Variants in SLC6A6 observed in about 807,000 individuals in gnomAD.
SLC6A6 encodes sodium- and chloride-dependent taurine transporter.
In SLC6A6, 16 loss-of-function variants were observed where a neutral mutation model predicts 68.8. The observed-to-expected ratio is 0.23, with a 90% CI of 0.16 to 0.35. The LOEUF is 0.35. Ranked by LOEUF, SLC6A6 falls within the 10% of genes least tolerant of loss-of-function variation. The pLI is 1.00. For synonymous variants in SLC6A6, 312 were observed against 315.4 expected, an observed-to-expected ratio of 0.99 and a Z score of 0.12; for missense variants, 474 against 802.8, an observed-to-expected ratio of 0.59 and a Z score of 4.95.
intron 2 of SLC6A6, among the ~76,000 whole-genome samples, chr3:14,442,801 C>T (rs547077820): frequency 6.6e-5 from 10 of 152,260 alleles, no homozygotes; most frequent in African/African-American, 7.2e-5. Flanking sequence ...AACAGGGAGC[C>T]GGAGGGCAAG....
At chr3:14,483,855 A>T (rs1033784032) in intron 14 of SLC6A6, among the ~76,000 whole-genome samples, 1 of 148,408 alleles carries the variant, frequency 6.7e-6, no homozygotes, top group African/African-American at 2.5e-5. Context: ...CTAATTTTTA[A>T]TTTTTTTTTT....
rs2124952074 is a variant in SLC6A6, at chr3:14,447,898, A to T, written c.599+82A>T. The T allele has an allele frequency of 1.1e-5, 17 of 1,562,480 alleles. No homozygotes were observed. The South Asian group carries it at 2.0e-4, about 18-fold the overall frequency. ...CCACTTCCTTATCTCCTCCCCTGGG[A>T]TACAGGAGCCACTGTCTTCGGGGGA... On this transcript the variant is annotated intron_variant, in intron 5 of 14. Transcript: ENST00000622186.
chr3:14,412,375 T>C (rs972116741), intron 1 of SLC6A6, among the ~76,000 whole-genome samples: 1 of 151,978 alleles, frequency 6.6e-6, no homozygotes, highest in African/African-American at 2.4e-5. Context: ...AACAGACTTT[T>C]AAAAAAAGAA....
At chr3:14,445,929 C>A in intron 4 of SLC6A6, 78 bp downstream of exon 4, 1 of 1,478,508 alleles carries the variant, frequency 6.8e-7, no homozygotes, top group Non-Finnish European at 9.4e-7. Context: ...TATTGTCTGC[C>A]AGGTCCATTG....
At chr3:14,421,064 T>C (rs1559287522) in intron 2 of SLC6A6, among the ~76,000 whole-genome samples, 1 of 152,164 alleles carries the variant, frequency 6.6e-6, no homozygotes, top group South Asian at 2.1e-4. Flanking sequence ...TTGCCCTCAT[T>C]TTCACTCTGG....
chr3:14,416,477 T>G (rs1208700448), intron 2 of SLC6A6, 24 bp downstream of exon 2: 1 of 398,500 alleles, frequency 2.5e-6, no homozygotes, highest in Non-Finnish European at 4.4e-6. Flanking sequence ...GACCTCCAGG[T>G]GGGATGGGTG....
At chr3:14,469,647 T>G (rs1195739545) in intron 9 of SLC6A6, among the ~76,000 whole-genome samples, 1 of 152,086 alleles carries the variant, frequency 6.6e-6, no homozygotes, top group Non-Finnish European at 1.5e-5. Flanking sequence ...GACACAAGGG[T>G]GTCCCCCTCC....
intron 2 of SLC6A6, among the ~76,000 whole-genome samples, chr3:14,428,767 T>C (rs1699657213): frequency 6.6e-6 from 1 of 152,130 alleles, no homozygotes; most frequent in Non-Finnish European, 1.5e-5. Context: ...CACCAGAGCC[T>C]CCGCTGGCCT....
chr3:14,408,043 A>G (rs1282313736), intron 1 of SLC6A6, among the ~76,000 whole-genome samples: 1 of 151,978 alleles, frequency 6.6e-6, no homozygotes, highest in Non-Finnish European at 1.5e-5. Flanking sequence ...GGTTGTTTCC[A>G]GCTGGGGGGC....
intron 2 of SLC6A6, among the ~76,000 whole-genome samples, chr3:14,425,580 A>C (rs1349861331): frequency 6.6e-6 from 1 of 152,142 alleles, no homozygotes; most frequent in East Asian, 1.9e-4. Flanking sequence ...CCAAGGAGTA[A>C]AGGGAACCGT....
In SLC6A6 at chr3:14,445,817, C is replaced by T; in HGVS notation, c.330C>T (p.Ile110=). Residue 110 remains isoleucine, a synonymous_variant, in exon 4 of 15, where the codon ATC becomes ATT. Transcript: ENST00000622186. ...IIGQYTSEGG[I]TCWEKICPLF... is the part of the protein sequence containing the mutation. ...GCCAGTACACCTCTGAAGGGGGCAT[C>T]ACCTGCTGGGAAAAGATCTGCCCCT... is the stretch of plus-strand genomic sequence containing the variant. The T allele has an allele frequency of 1.2e-6, 2 of 1,614,232 alleles. No homozygotes were observed. The highest frequency in any genetic ancestry group is 2.2e-5 in the South Asian group (2 of 91,088).
chr3:14,407,859 T>G (rs754071031), intron 1 of SLC6A6, among the ~76,000 whole-genome samples: 1 of 152,234 alleles, frequency 6.6e-6, no homozygotes, highest in African/African-American at 2.4e-5. Context: ...AATCCTCATA[T>G]AAATGGACTT....
chr3:14,444,306 G>T (rs991509886), intron 3 of SLC6A6: 15 of 187,616 alleles, frequency 8.0e-5, no homozygotes, highest in East Asian at 5.3e-4. Context: ...TCTGTTACCC[G>T]CTGTAGATGG....
chr3:14,475,538 G>A (rs1298381326), intron 10 of SLC6A6, among the ~76,000 whole-genome samples: 4 of 152,224 alleles, frequency 2.6e-5, no homozygotes, highest in Admixed American at 6.5e-5. Context: ...GTGAGGCTCG[G>A]AGAAGCCAAT....
chr3:14,472,017 C>G lies in SLC6A6; in HGVS notation c.1097-188C>G, dbSNP rs1281284034. On this transcript the variant is annotated intron_variant, in intron 9 of 14. Coordinates refer to ENST00000622186, the MANE Select transcript of SLC6A6 (RefSeq NM_003043.6). The surrounding 1 kb of genome is among the most constrained non-coding windows in gnomAD (Gnocchi z 4.5). Reference sequence around the variant, plus strand: ...TAGGAGACAGATGCTAAAACCGGGCCCCTCCTGAGCCCCAGCGTGTCCCAC... The same window carrying G: ...TAGGAGACAGATGCTAAAACCGGGCGCCTCCTGAGCCCCAGCGTGTCCCAC... Among the ~76,000 whole-genome samples, 1 of 152,044 alleles carries G rather than the reference C, an allele frequency of 6.6e-6. No homozygotes were observed. The highest frequency in any genetic ancestry group is 1.5e-5 in the Non-Finnish European group (1 of 68,014).
intron 2 of SLC6A6, among the ~76,000 whole-genome samples, chr3:14,434,658 G>A (rs977572756): frequency 9.2e-5 from 14 of 152,164 alleles, no homozygotes; most frequent in Admixed American, 9.2e-4. Flanking sequence ...TAGCTGCTTG[G>A]GCTCTGCTGT....
intron 5 of SLC6A6, among the ~76,000 whole-genome samples, chr3:14,457,233 A>T (rs1280804085): frequency 6.6e-6 from 1 of 152,158 alleles, no homozygotes; most frequent in Non-Finnish European, 1.5e-5. Context: ...CGTGCCAATT[A>T]TCCTTAAAAC....
intron 14 of SLC6A6, among the ~76,000 whole-genome samples, chr3:14,483,211 G>T (rs556958598): frequency 1.2e-4 from 19 of 152,170 alleles, no homozygotes; most frequent in Non-Finnish European, 1.9e-4. Flanking sequence ...GTGGGGGAGT[G>T]GGTGAGGGCA....
intron 2 of SLC6A6, among the ~76,000 whole-genome samples, chr3:14,433,857 A>C (rs1278306562): frequency 6.6e-6 from 1 of 151,604 alleles, no homozygotes; most frequent in East Asian, 1.9e-4. Flanking sequence ...GAAAAACCCA[A>C]CATGGGCCCT....
Sources: allele counts gnomAD v4.1 joint callset (sites outside exome capture counted in the v4.1 genomes callset), GRCh38; gene constraint gnomAD v4.1.1; non-coding constraint Gnocchi (gnomAD v3.1); transcripts MANE v1.5; gene names NCBI Gene and HGNC (gene_info 2026-07-23, HGNC 2026-07-21).